Variants in PCDH9 observed in about 807,000 individuals in gnomAD.
PCDH9 encodes the protein protocadherin-9.
Under a neutral mutation model 70.6 loss-of-function variants are expected in PCDH9, and 24 were observed. The observed-to-expected ratio is 0.34, with a 90% CI of 0.25 to 0.48. PCDH9 has a LOEUF of 0.48. PCDH9 is among the 20% of genes least tolerant of loss of function. The pLI is 0.99. For missense variants in PCDH9, 1,281 were observed against 1,503.6 expected (o/e 0.85, Z 2.45); for synonymous variants, 562 against 558.5 (o/e 1.01, Z -0.09).
At chr13:66,833,023 A>G (rs2080955660) in intron 3 of PCDH9, among the ~76,000 whole-genome samples, 1 of 152,048 alleles carries the variant, frequency 6.6e-6, no homozygotes, top group South Asian at 2.1e-4. Flanking sequence ...CTCTATTTCT[A>G]TCTCAAAGTT....
chr13:66,978,473 T>G (rs1594339213), intron 2 of PCDH9: 1 of 151,990 alleles, frequency 6.6e-6, no homozygotes, highest in Admixed American at 6.6e-5. Flanking sequence ...TTCTTAAAGG[T>G]ACCTATTGTG....
chr13:66,890,041 TA>T (rs1393955207), intron 3 of PCDH9, among the ~76,000 whole-genome samples: 1 of 152,192 alleles, frequency 6.6e-6, no homozygotes, highest in Non-Finnish European at 1.5e-5. Flanking sequence ...TTATTATCTA[TA>T]GCAACGATGG....
chr13:66,324,324 C>T (rs1405663278), intron 4 of PCDH9, among the ~76,000 whole-genome samples: 3 of 152,008 alleles, frequency 2.0e-5, no homozygotes, highest in Non-Finnish European at 4.4e-5. Flanking sequence ...ATATTGTAGA[C>T]AAAACCAGGT....
intron 3 of PCDH9, among the ~76,000 whole-genome samples, chr13:66,889,097 A>G (rs940093707): frequency 3.9e-5 from 6 of 152,202 alleles, no homozygotes; most frequent in African/African-American, 7.2e-5. Context: ...CTGGTTATCA[A>G]TAACTGCTAG....
chr13:66,714,751 A>G (rs567930258), intron 3 of PCDH9, among the ~76,000 whole-genome samples: 2 of 152,160 alleles, frequency 1.3e-5, no homozygotes, highest in Non-Finnish European at 1.5e-5. Context: ...TAAGGTAAGG[A>G]GTTGCTATCA....
intron 3 of PCDH9, among the ~76,000 whole-genome samples, chr13:66,799,063 C>T (rs997371281): frequency 6.6e-6 from 1 of 152,144 alleles, no homozygotes; most frequent in African/African-American, 2.4e-5. Context: ...GATTGGCCTG[C>T]CTCGGCTGCC....
At chr13:66,732,697 T>G (rs1183081902) in intron 3 of PCDH9, among the ~76,000 whole-genome samples, 1 of 152,108 alleles carries the variant, frequency 6.6e-6, no homozygotes, top group East Asian at 1.9e-4. Context: ...ATTATGTTCA[T>G]GTAAGGCTCA....
intron 2 of PCDH9, among the ~76,000 whole-genome samples, chr13:66,910,935 C>A (rs1488210527): frequency 1.3e-5 from 2 of 152,122 alleles, no homozygotes; most frequent in South Asian, 2.1e-4. Context: ...ACTTTCAAGG[C>A]TTTTCTTAAG....
At chr13:66,917,989 T>G (rs1284585710) in intron 2 of PCDH9, among the ~76,000 whole-genome samples, 1 of 151,288 alleles carries the variant, frequency 6.6e-6, no homozygotes, top group Non-Finnish European at 1.5e-5. Flanking sequence ...GACTGACCAG[T>G]GTCATGAACT....
At chr13:66,898,893 T>G (rs2139587482) in intron 3 of PCDH9, among the ~76,000 whole-genome samples, 1 of 152,104 alleles carries the variant, frequency 6.6e-6, no homozygotes, top group Admixed American at 6.6e-5. Flanking sequence ...TGTCCTTGGT[T>G]GGTGATGTAG....
chr13:66,936,040 G>A (rs149940350), intron 2 of PCDH9, among the ~76,000 whole-genome samples: 2,155 of 152,202 alleles, frequency 0.014, 55 homozygotes, highest in African/African-American at 0.049. Flanking sequence ...AGCTGAGATC[G>A]CACCACTGCA....
At chr13:66,781,311 C>T (rs1246836145) in intron 3 of PCDH9, among the ~76,000 whole-genome samples, 2 of 152,130 alleles carry the variant, frequency 1.3e-5, no homozygotes, top group Non-Finnish European at 2.9e-5. Context: ...AACAACTGTA[C>T]TAGGATTCAC....
chr13:67,225,848 G>T lies in PCDH9; in HGVS notation c.2593C>A (p.Gln865Lys). The T allele has an allele frequency of 6.2e-7, 1 of 1,613,884 alleles. No individual in the cohort carries two copies. The highest frequency in any genetic ancestry group is 8.5e-7 in the Non-Finnish European group (1 of 1,179,972). The stretch of plus-strand genomic sequence containing the variant: ...TTCTTTCTTTTCTTTTTCTTGTTTT[G>T]CTTGTTCTCCTGGTTTGGGGACATC... Reference protein sequence around the residue: ...EWMSPNQENKQNKKKKRKKRK... With the variant: ...EWMSPNQENKKNKKKKRKKRK... The change falls in exon 2 of 5, where the codon CAA (glutamine) becomes AAA (lysine). Residue 865 changes from glutamine to lysine, a missense_variant. Gln to Lys is a moderately conservative substitution (Grantham distance 53, BLOSUM62 1). Transcript: ENST00000377865.
intron 4 of PCDH9, among the ~76,000 whole-genome samples, chr13:66,561,175 GCCA>G (rs1962006173): frequency 6.6e-6 from 1 of 152,202 alleles, no homozygotes. Flanking sequence ...GGCTGGCCCC[GCCA>G]CCGGGGCAGT....
intron 4 of PCDH9, among the ~76,000 whole-genome samples, chr13:66,380,451 A>G (rs1421356840): frequency 1.3e-5 from 2 of 152,038 alleles, no homozygotes; most frequent in Non-Finnish European, 2.9e-5. Flanking sequence ...AACAAGACGA[A>G]ACTCCATGGT....
intron 3 of PCDH9, among the ~76,000 whole-genome samples, chr13:66,764,510 T>C (rs964583310): frequency 6.6e-6 from 1 of 151,974 alleles, no homozygotes; most frequent in Non-Finnish European, 1.5e-5. Flanking sequence ...TCTATCAAGG[T>C]AAAGGTTAAA....
At chr13:67,157,267 C>A (rs1387588017) in intron 2 of PCDH9, among the ~76,000 whole-genome samples, 1 of 152,104 alleles carries the variant, frequency 6.6e-6, no homozygotes, top group Admixed American at 6.5e-5. Context: ...ACGTAGGTCA[C>A]TTATCACTAT....
intron 3 of PCDH9, among the ~76,000 whole-genome samples, chr13:66,853,411 C>G (rs1197942985): frequency 6.6e-6 from 1 of 152,086 alleles, no homozygotes; most frequent in Non-Finnish European, 1.5e-5. Flanking sequence ...GAGTCCCATC[C>G]ATTTCCTTTC....
intron 4 of PCDH9, among the ~76,000 whole-genome samples, chr13:66,587,752 A>C (rs1278186533): frequency 6.6e-6 from 1 of 151,730 alleles, no homozygotes; most frequent in African/African-American, 2.4e-5. Flanking sequence ...CATGGGAATG[A>C]ATGGTTCAGC....
Sources: allele counts gnomAD v4.1 joint callset (sites outside exome capture counted in the v4.1 genomes callset), GRCh38; gene constraint gnomAD v4.1.1; transcripts MANE v1.5; gene names NCBI Gene and HGNC (gene_info 2026-07-23, HGNC 2026-07-21).